Variants in SLC35F4 observed in about 807,000 individuals in gnomAD.
SLC35F4 encodes the protein solute carrier family 35 member F4.
In SLC35F4, 24 loss-of-function variants were observed where a neutral mutation model predicts 44.2. That is an observed-to-expected ratio of 0.54 (90% CI 0.39 to 0.76). The LOEUF is 0.76. SLC35F4 is among the 30% of genes least tolerant of loss of function. SLC35F4 has a pLI of 0.00. For synonymous variants in SLC35F4, 238 were observed against 223.6 expected, an observed-to-expected ratio of 1.06 and a Z score of -0.57; for missense variants, 562 against 586.1, an observed-to-expected ratio of 0.96 and a Z score of 0.42.
chr14:57,946,834 A>G (rs1181173423), intron 1 of SLC35F4, among the ~76,000 whole-genome samples: 1 of 152,024 alleles, frequency 6.6e-6, no homozygotes, highest in Non-Finnish European at 1.5e-5. Flanking sequence ...GCCTATTTTT[A>G]TACCAGTACC....
At chr14:57,774,713 G>A (rs769062468) in intron 1 of SLC35F4, among the ~76,000 whole-genome samples, 13 of 152,186 alleles carry the variant, frequency 8.5e-5, no homozygotes, top group Non-Finnish European at 1.8e-4. Context: ...CCTGACCGGA[G>A]CTCCAGCAGA....
At chr14:57,684,110 G>A (rs964325362) in intron 1 of SLC35F4, among the ~76,000 whole-genome samples, 2 of 152,076 alleles carry the variant, frequency 1.3e-5, no homozygotes, top group African/African-American at 4.8e-5. Flanking sequence ...ATTATTCTCT[G>A]CCTTCTAGGG....
chr14:57,930,800 A>G (rs886472766), intron 1 of SLC35F4, among the ~76,000 whole-genome samples: 2 of 152,230 alleles, frequency 1.3e-5, no homozygotes, highest in East Asian at 1.9e-4. Flanking sequence ...AGAAATATTT[A>G]GAGGTAGCTC....
chr14:57,775,406 C>A (rs1017663135), intron 1 of SLC35F4, among the ~76,000 whole-genome samples: 1 of 152,236 alleles, frequency 6.6e-6, no homozygotes, highest in African/African-American at 2.4e-5. Context: ...AGTCTTGGAA[C>A]CAGTGGTCCA....
At chr14:57,707,491 G>A (rs1358005451) in intron 1 of SLC35F4, among the ~76,000 whole-genome samples, 6 of 152,072 alleles carry the variant, frequency 3.9e-5, no homozygotes, top group African/African-American at 7.2e-5. Context: ...TCCCCTTCAC[G>A]TTCTGCCATG....
intron 1 of SLC35F4, among the ~76,000 whole-genome samples, chr14:57,964,418 T>C (rs558820178): frequency 1.3e-5 from 2 of 150,672 alleles, no homozygotes; most frequent in Admixed American, 6.6e-5. Context: ...AAAAAAAAAA[T>C]CAAAGCTCTT....
At chr14:57,868,793 A>G (rs1311035312), upstream of SLC35F4, among the ~76,000 whole-genome samples, 1 of 152,172 alleles carries the variant, frequency 6.6e-6, no homozygotes, top group Non-Finnish European at 1.5e-5. Flanking sequence ...AAGCATTTTT[A>G]TGTTTGCATG....
chr14:57,813,247 G>A (rs1239922382), intron 1 of SLC35F4, among the ~76,000 whole-genome samples: 1 of 152,122 alleles, frequency 6.6e-6, no homozygotes, highest in Non-Finnish European at 1.5e-5. Flanking sequence ...CTGCAGTATG[G>A]CCCTTCTCAC....
At chr14:57,630,781 T>A in intron 1 of SLC35F4, 2 of 505,378 alleles carry the variant, frequency 4.0e-6, no homozygotes, top group Non-Finnish European at 6.3e-6. Context: ...GTTGCAATGA[T>A]GATTAAAAAG....
intron 1 of SLC35F4, among the ~76,000 whole-genome samples, chr14:57,793,435 G>A (rs2077978045): frequency 6.6e-6 from 1 of 151,792 alleles, no homozygotes; most frequent in Non-Finnish European, 1.5e-5. Context: ...CCATCAAACT[G>A]TCCTGTATGC....
chr14:57,564,370 T>G lies in SLC35F4; in HGVS notation c.1223A>C (p.Asp408Ala). Reference sequence around the variant, plus strand: ...GAATATCACCTCCTGCTTTAGGAGATCCACAGCTAGGAAAGAAAAATCAAG... The same window carrying G: ...GAATATCACCTCCTGCTTTAGGAGAGCCACAGCTAGGAAAGAAAAATCAAG... ...VLSVPGNAAV[D>A]LLKQEVIFNV... The change falls in exon 8 of 8, where the codon GAT becomes GCT. Residue 408 changes from aspartate to alanine, a missense_variant. Asp to Ala is a moderately radical substitution (Grantham distance 126). Transcript: ENST00000556826. 6.2e-7 allele frequency: 1 copy of G among 1,604,268 alleles called. No homozygotes were observed. Among genetic ancestry groups the G allele is most frequent in the Non-Finnish European group, 8.5e-7 (1 of 1,174,966 alleles).
intron 1 of SLC35F4, chr14:57,604,277 C>T (rs1235764789): frequency 2.0e-5 from 3 of 151,862 alleles, no homozygotes; most frequent in African/African-American, 7.3e-5. Flanking sequence ...CAGTTTAACC[C>T]GAGAAAACAA....
At chr14:57,952,312 A>G (rs1890156435) in intron 1 of SLC35F4, among the ~76,000 whole-genome samples, 1 of 152,210 alleles carries the variant, frequency 6.6e-6, no homozygotes, top group South Asian at 2.1e-4. Context: ...AAAGGTAGAT[A>G]AATCCACGAA....
At chr14:57,849,469 AT>A (rs35932314) in intron 1 of SLC35F4, among the ~76,000 whole-genome samples, 44,582 of 151,846 alleles carry the variant, frequency 0.29, 8,509 homozygotes, top group East Asian at 0.71. Flanking sequence ...GCCCACAAAA[AT>A]TTTTTTTTAA....
chr14:57,573,437 C>G (rs985294460), intron 4 of SLC35F4, among the ~76,000 whole-genome samples: 1 of 152,184 alleles, frequency 6.6e-6, no homozygotes, highest in Non-Finnish European at 1.5e-5. Flanking sequence ...ATATCATATT[C>G]TCTGAAGCTG....
At chr14:57,593,354 A>G (rs2070305856) in intron 2 of SLC35F4, among the ~76,000 whole-genome samples, 1 of 152,196 alleles carries the variant, frequency 6.6e-6, no homozygotes, top group African/African-American at 2.4e-5. Context: ...CACAGTTACA[A>G]GATTTATCTA....
intron 1 of SLC35F4, among the ~76,000 whole-genome samples, chr14:57,715,566 A>T (rs550796864): frequency 6.6e-6 from 1 of 152,314 alleles, no homozygotes; most frequent in Non-Finnish European, 1.5e-5. Flanking sequence ...TGACAAGACA[A>T]AGGGTATGGT....
chr14:57,715,298 A>C (rs768391546), intron 1 of SLC35F4, among the ~76,000 whole-genome samples: 8 of 152,230 alleles, frequency 5.3e-5, no homozygotes, highest in Non-Finnish European at 1.2e-4. Flanking sequence ...TGAATAGGAA[A>C]GGAAAATTAC....
At chr14:57,901,438 CAT>C (rs1888999324) in intron 1 of SLC35F4, among the ~76,000 whole-genome samples, 1 of 152,154 alleles carries the variant, frequency 6.6e-6, no homozygotes, top group African/African-American at 2.4e-5. Flanking sequence ...CCAAACACCA[CAT>C]GTTCTCACTT....
Sources: allele counts gnomAD v4.1 joint callset (sites outside exome capture counted in the v4.1 genomes callset), GRCh38; gene constraint gnomAD v4.1.1; transcripts MANE v1.5; gene names NCBI Gene and HGNC (gene_info 2026-07-23, HGNC 2026-07-21).